The following CCDC34 variants were observed in gnomAD, a reference collection of about 807,000 sequenced individuals.
CCDC34 encodes coiled-coil domain-containing protein 34.
A neutral mutation model predicts 44.1 loss-of-function variants in CCDC34; 40 were observed. The ratio of observed to expected loss-of-function variants is 0.91; its 90% CI spans 0.70 to 1.18. The LOEUF is 1.18. Among genes scored for constraint, CCDC34 ranks in the 50% most tolerant of loss-of-function variants. The probability of loss-of-function intolerance (pLI) is 0.00; values close to 1 mark genes in which losing one functional copy is unlikely to be tolerated. For missense variants in CCDC34, 466 were observed against 452.3 expected (o/e 1.03, Z -0.28); for synonymous variants, 159 against 158.2 (o/e 1.01, Z -0.04).
intron 2 of CCDC34, among the ~76,000 whole-genome samples, chr11:27,356,863 C>T (rs1188586682): frequency 7.8e-5 from 7 of 89,834 alleles, no homozygotes; most frequent in African/African-American, 1.4e-4. Context: ...GAGTGACACA[C>T]GGTGGGGTGG....
Position 27,350,391 on chromosome 11 carries a change from T to C in CCDC34, c.547A>G (p.Lys183Glu), listed in dbSNP as rs1360746010. The C allele has an allele frequency of 6.2e-7, 1 of 1,613,008 alleles. No individual in the cohort carries two copies. The highest frequency in any genetic ancestry group is 8.5e-7 in the Non-Finnish European group (1 of 1,179,462). ...EKRKEMEERE[K>E]RKIIAEEKHK... ...TTTTCTTCAGCAATTATCTTTCTTT[T>C]TTCACGTTCTTCCATTTCTTTTCTT... is the stretch of plus-strand genomic sequence containing the variant. The change falls in exon 3 of 6, where the codon AAA (lysine) becomes GAA (glutamate). Residue 183 changes from lysine to glutamate, a missense_variant. By Grantham distance (56) the Lys-to-Glu change is moderately conservative. Transcript: ENST00000328697.
rs749413096 is a variant in CCDC34 at position 27,362,938 on chromosome 11, T to C, written c.257A>G (p.Asp86Gly). The C allele has an allele frequency of 6.2e-7, 1 of 1,614,044 alleles. No individual in the cohort carries two copies. Among genetic ancestry groups the C allele is most frequent in the Non-Finnish European group, 8.5e-7 (1 of 1,179,988 alleles). The change falls in exon 1 of 6, where the codon GAT (aspartate) becomes GGT (glycine). Residue 86 changes from aspartate to glycine, a missense_variant. Transcript: ENST00000328697. ...TTCCTCATCATCCACGTCTTCCTCA[T>C]CCTCCCCGTCACCGTCGTCCTCGTC... The part of the protein sequence containing the change: ...QFDEDDGDGE[D>G]EEDVDDEEDV...
Position 27,363,159 on chromosome 11 carries a change from G to A in CCDC34, c.36C>T (p.Pro12=), listed in dbSNP as rs140982527. 7 of 1,504,788 alleles carry A rather than the reference G, an allele frequency of 4.7e-6. No individual in the cohort carries two copies. The African/African-American group carries it at 5.6e-5, about 12-fold the overall frequency. The allele number at this position is 1,504,788 out of a possible 1,614,324, so 93.2% of individuals were successfully genotyped here. Residue 12 remains proline (P), a synonymous_variant, in exon 1 of 6, where the codon CCC becomes CCT. Coordinates refer to ENST00000328697, the MANE Select transcript of CCDC34 (RefSeq NM_030771.2). ...WAAGRWGPTF[P]SSYAGFSADC... ...CAGCAGAGAAACCGGCGTAGGAAGA[G>A]GGAAAAGTAGGCCCCCAGCGCCCCG...
At chr11:27,362,745 G>A (rs1862684681) in intron 1 of CCDC34, 91 bp downstream of exon 1, 2 of 1,431,834 alleles carry the variant, frequency 1.4e-6, no homozygotes, top group Non-Finnish European at 1.9e-6. Context: ...TGCCTTTGGG[G>A]CGGAGGGCAG....
At chr11:27,359,282 G>A (rs925570202) in intron 1 of CCDC34, among the ~76,000 whole-genome samples, 6 of 151,898 alleles carry the variant, frequency 4.0e-5, no homozygotes, top group African/African-American at 9.7e-5. Flanking sequence ...TTTCACCAAC[G>A]GCTGATCCAG....
Position 27,363,034 on chromosome 11 carries a change from G to A in CCDC34, c.161C>T (p.Pro54Leu). The change falls in exon 1 of 6, where the codon CCG becomes CTG. Residue 54 changes from proline to leucine, a missense_variant. Coordinates refer to ENST00000328697, the MANE Select transcript of CCDC34 (RefSeq NM_030771.2). Reference sequence around the variant, plus strand: ...GGAATTGCTGCAGCTCAGCGGCAGCGGCGGCGACGGCGAGCGCACCACCTC... The same window carrying A: ...GGAATTGCTGCAGCTCAGCGGCAGCAGCGGCGACGGCGAGCGCACCACCTC... ...GLEVVRSPSP[P>L]LPLSCSNSTR... The A allele has an allele frequency of 6.2e-7, 1 of 1,614,062 alleles. No individual in the cohort carries two copies. The highest frequency in any genetic ancestry group is 8.5e-7 in the Non-Finnish European group (1 of 1,180,000).
At chr11:27,359,565 T>C (rs537602671) in intron 1 of CCDC34, among the ~76,000 whole-genome samples, 2 of 151,990 alleles carry the variant, frequency 1.3e-5, no homozygotes, top group South Asian at 4.2e-4. Flanking sequence ...CTCCGCTCAC[T>C]GCAAGCTCCG....
chr11:27,357,437 T>C lies in CCDC34; in HGVS notation c.464A>G (p.Glu155Gly). The change falls in exon 2 of 6, where the codon GAA becomes GGA. Residue 155 changes from glutamate to glycine, a missense_variant. By Grantham distance (98) the Glu-to-Gly change is moderately conservative (BLOSUM62 -2). Transcript: ENST00000328697. ...WEVWFIGKEKEERDRLQLKAL... is the reference protein window; with the variant it reads ...WEVWFIGKEKGERDRLQLKAL... Reference sequence around the variant, plus strand: ...TTTCAGTTGCAGCCGGTCACGTTCTTCTTTTTCTTTGCCAATAAACCACAC... The same window carrying C: ...TTTCAGTTGCAGCCGGTCACGTTCTCCTTTTTCTTTGCCAATAAACCACAC... The C allele has an allele frequency of 3.1e-6, 5 of 1,614,006 alleles. No individual in the cohort carries two copies. The highest frequency in any genetic ancestry group is 4.2e-6 in the Non-Finnish European group (5 of 1,179,896).
chr11:27,354,656 C>T (rs1862548028), intron 2 of CCDC34, among the ~76,000 whole-genome samples: 1 of 151,946 alleles, frequency 6.6e-6, no homozygotes, highest in South Asian at 2.1e-4. Context: ...GAGTTGGAGG[C>T]CAGCCTGGGC....
At chr11:27,355,099 G>T (rs1862556685) in intron 2 of CCDC34, among the ~76,000 whole-genome samples, 1 of 152,118 alleles carries the variant, frequency 6.6e-6, no homozygotes, top group Non-Finnish European at 1.5e-5. Flanking sequence ...AAAATGACTG[G>T]AAGTGACCCT....
chr11:27,353,604 G>C (rs553422502), intron 2 of CCDC34, among the ~76,000 whole-genome samples: 36 of 152,034 alleles, frequency 2.4e-4, no homozygotes, highest in Non-Finnish European at 5.0e-4. Flanking sequence ...CATTTTGTAA[G>C]TGGGTAATTT....
chr11:27,346,647 C>T (rs1363072747), intron 3 of CCDC34, among the ~76,000 whole-genome samples: 2 of 152,034 alleles, frequency 1.3e-5, no homozygotes, highest in South Asian at 2.1e-4. Flanking sequence ...AATGACTTAA[C>T]ACAACACAAA....
chr11:27,360,531 G>A (rs1405943520), intron 1 of CCDC34, among the ~76,000 whole-genome samples: 2 of 152,168 alleles, frequency 1.3e-5, no homozygotes, highest in African/African-American at 4.8e-5. Flanking sequence ...ACAGCTCTAG[G>A]TTGCTCTCTG....
intron 3 of CCDC34, chr11:27,349,657 T>A (rs1052586160): frequency 5.0e-5 from 49 of 983,392 alleles, no homozygotes; most frequent in Non-Finnish European, 5.7e-5. Flanking sequence ...ATGTGTGTGA[T>A]CCATAGAAGA....
intron 3 of CCDC34, among the ~76,000 whole-genome samples, chr11:27,344,160 A>C (rs1862401329): frequency 6.6e-6 from 1 of 152,166 alleles, no homozygotes; most frequent in Non-Finnish European, 1.5e-5. Flanking sequence ...GGCATATCTT[A>C]ATAGTATCAA....
intron 2 of CCDC34, among the ~76,000 whole-genome samples, chr11:27,356,516 T>A (rs915759284): frequency 6.6e-6 from 1 of 152,004 alleles, no homozygotes; most frequent in Admixed American, 6.6e-5. Context: ...AAAGAAGAAG[T>A]GTCCCTCATC....
intron 3 of CCDC34, chr11:27,348,864 A>G (rs1862468544): frequency 1.1e-5 from 11 of 971,812 alleles, no homozygotes; most frequent in Non-Finnish European, 1.3e-5. Context: ...GTTCTGCAGA[A>G]CAGGTAAATA....
At chr11:27,349,143 G>C (rs1451131246) in intron 3 of CCDC34, 1 of 981,304 alleles carries the variant, frequency 1.0e-6, no homozygotes, top group Non-Finnish European at 1.2e-6. Flanking sequence ...AGGACTTTTA[G>C]AGGAAAGAGC....
intron 3 of CCDC34, among the ~76,000 whole-genome samples, chr11:27,344,573 A>C (rs1565058170): frequency 1.3e-5 from 2 of 151,628 alleles, no homozygotes; most frequent in Admixed American, 1.3e-4. Flanking sequence ...ATCAGGAACA[A>C]GGCAAGATAA....
Sources: allele counts gnomAD v4.1 joint callset (sites outside exome capture counted in the v4.1 genomes callset), GRCh38; gene constraint gnomAD v4.1.1; transcripts MANE v1.5; gene names NCBI Gene and HGNC (gene_info 2026-07-23, HGNC 2026-07-21).